The following ASPM variants were observed in gnomAD, a reference collection of about 807,000 sequenced individuals.
The protein encoded by ASPM is abnormal spindle-like microcephaly-associated protein.
Under a neutral mutation model 366.4 loss-of-function variants are expected in ASPM, and 256 were observed. That is an observed-to-expected ratio of 0.70 (90% CI 0.63 to 0.77). The LOEUF (loss-of-function observed/expected upper bound fraction) is 0.77, where lower values mean the gene tolerates loss of function less well. Among genes scored for constraint, ASPM ranks in the 30% least tolerant of loss-of-function variants. The pLI, the probability that ASPM is intolerant of heterozygous loss-of-function variation, is 0.00. For synonymous variants in ASPM, 1,414 were observed against 1,342.9 expected (o/e 1.05, Z -1.16); for missense variants, 4,146 against 4,090.4 (o/e 1.01, Z -0.37).
At chr1:197,118,135 A>ATCAGT in intron 16 of ASPM, 152 bp from the exon 17 acceptor site, 1 of 755,018 alleles carries the variant, frequency 1.3e-6, no homozygotes, top group Non-Finnish European at 2.2e-6. Flanking sequence ...GAATACTGAT[A>ATCAGT]ATTCCAGGCA....
intron 4 of ASPM, chr1:197,138,836 T>G: frequency 1.2e-6 from 1 of 808,594 alleles, no homozygotes; most frequent in Non-Finnish European, 2.2e-6. Context: ...ATAAAAAATC[T>G]ATTATTTCTC....
At chr1:197,098,480 T>A (rs1571595208) in intron 18 of ASPM, among the ~76,000 whole-genome samples, 1 of 151,624 alleles carries the variant, frequency 6.6e-6, no homozygotes, top group Non-Finnish European at 1.5e-5. Flanking sequence ...GAGAAAAAAA[T>A]TTTTATAAGA....
intron 25 of ASPM, 29 bp downstream of exon 25, chr1:197,089,901 A>G: frequency 1.9e-6 from 3 of 1,604,708 alleles, no homozygotes; most frequent in South Asian, 2.2e-5. Context: ...TTGACCAGTG[A>G]ATATCTCATT....
rs1382550255 is a variant in ASPM at position 197,142,655 on chromosome 1, T to G, written c.1597A>C (p.Asn533His). 3 of 1,612,358 alleles carry G rather than the reference T, an allele frequency of 1.9e-6. No homozygotes were observed. The African/African-American group carries it at 4.0e-5, about 22-fold the overall frequency. ...AAATCTTCTTTTTCCTTTTGATTAT[T>G]TATTACTTTTTCATGTTCACCCACT... ...SAVGEHEKVI[N>H]NQKEKEDFHS... The change falls in exon 3 of 28, where the codon AAT becomes CAT. Residue 533 changes from asparagine to histidine, a missense_variant. Around this residue, in one of 3 missense-constraint regions of ASPM, gnomAD observed 3,624 missense variants for 3,591.7 expected, o/e 1.01. Transcript: ENST00000367409.
At position 197,100,685 on chromosome 1, in the gene ASPM, A is replaced by T; in HGVS notation, c.8566T>A (p.Phe2856Ile). The change falls in exon 18 of 28, where the codon TTT (phenylalanine) becomes ATT (isoleucine). Residue 2856 changes from phenylalanine (F) to isoleucine (I), a missense_variant. Coordinates refer to ENST00000367409, the MANE Select transcript of ASPM (RefSeq NM_018136.5). ...ATAGCAGCTCTTTTCTGCTGAACAA[A>T]TCTTCTCCGATACACAGCCATCTGA... ...FLQMAVYRRR[F>I]VQQKRAAITL... The T allele has an allele frequency of 6.2e-7, 1 of 1,612,372 alleles. No individual in the cohort carries two copies. The highest frequency in any genetic ancestry group is 1.3e-5 in the African/African-American group (1 of 74,906).
chr1:197,101,305 G>T lies in ASPM; in HGVS notation c.7946C>A (p.Ala2649Glu). The T allele has an allele frequency of 6.2e-7, 1 of 1,611,786 alleles. No homozygotes were observed. Among genetic ancestry groups the T allele is most frequent in the Non-Finnish European group, 8.5e-7 (1 of 1,178,928 alleles). The change falls in exon 18 of 28, where the codon GCA (alanine) becomes GAA (glutamate). Residue 2649 changes from alanine (A) to glutamate (E), a missense_variant. Transcript: ENST00000367409. Reference sequence around the variant, plus strand: ...TCTTCTTTGAATAGAAACTACTGTTGCTCTAAGGTGGAGATAATGCTTCCT... The same window carrying T: ...TCTTCTTTGAATAGAAACTACTGTTTCTCTAAGGTGGAGATAATGCTTCCT... ...KIRKHYLHLR[A>E]TVVSIQRRYR...
In ASPM at chr1:197,104,077, T is replaced by C. The variant is rs1320024396; in HGVS notation, c.5174A>G (p.Tyr1725Cys). ...GATACAAGATTCCCGCATCTGCATATACTCTTCTCTCTTTTGTGCAGCTAT... is the reference window on the plus strand; with the variant it reads ...GATACAAGATTCCCGCATCTGCATACACTCTTCTCTCTTTTGTGCAGCTAT... ...KKIAAQKREE[Y>C]MQMRESCIKL... Residue 1725 changes from tyrosine (Y) to cysteine (C), a missense_variant, in exon 18 of 28, where the codon TAT becomes TGT. Physicochemically the swap from Tyr to Cys is radical, Grantham distance 194. Around this residue, in one of 3 missense-constraint regions of ASPM, gnomAD observed 3,624 missense variants for 3,591.7 expected, o/e 1.01. Transcript: ENST00000367409. 1.2e-6 allele frequency: 2 copies of C among 1,613,004 alleles called. No homozygotes were observed. Among genetic ancestry groups the C allele is most frequent in the Admixed American group, 1.7e-5 (1 of 59,862 alleles).
At position 197,094,008 on chromosome 1, in the gene ASPM, T is replaced by C. The variant is rs530689938; in HGVS notation, c.9084+76A>G. 3 of 1,038,944 alleles carry C rather than the reference T, an allele frequency of 2.9e-6. No homozygotes were observed. In the Admixed American group the frequency reaches 8.5e-5, roughly 29 times the overall value. The allele number at this position is 1,038,944 out of a possible 1,614,324, so 64.4% of individuals were successfully genotyped here. A position where few individuals can be genotyped will look rare whatever the true frequency, so the allele number is the denominator to read the frequency against. On this transcript the variant is annotated intron_variant, in intron 20 of 27. Transcript: ENST00000367409. Reference sequence around the variant, plus strand: ...CAGCGAAGGATTTATTTTTAAAAATTAAAAAATACAAAACATTCTTTGTTT... The same window carrying C: ...CAGCGAAGGATTTATTTTTAAAAATCAAAAAATACAAAACATTCTTTGTTT...
intron 17 of ASPM, among the ~76,000 whole-genome samples, chr1:197,112,391 GAAA>G (rs1657616236): frequency 6.6e-6 from 1 of 152,060 alleles, no homozygotes; most frequent in East Asian, 1.9e-4. Context: ...AAAGGATCAG[GAAA>G]AATAACTAAT....
At position 197,103,051 on chromosome 1, in the gene ASPM, CTATAGGTTGCATATTTCT is replaced by C. The variant is rs765625106; in HGVS notation, c.6182_6199del (p.Lys2061_Tyr2066del). ...TCTCTGAATTATAATAGCTGAAGCT[CTATAGGTTGCATATTTCT>C]TTTTGGTTTTGTAAGCTCTGTATTT... is the stretch of plus-strand genomic sequence containing the variant. On this transcript the variant is annotated inframe_deletion, in exon 18 of 28. Coordinates refer to ENST00000367409, the MANE Select transcript of ASPM (RefSeq NM_018136.5). The C allele has an allele frequency of 4.3e-6, 7 of 1,612,144 alleles. No homozygotes were observed. The highest frequency in any genetic ancestry group is 1.3e-5 in the African/African-American group (1 of 74,810).
rs1657156469 is a variant in ASPM, at chr1:197,101,105, CA to C, written c.8145del (p.Ile2715MetfsTer14). On this transcript the variant is annotated frameshift_variant, in exon 18 of 28. Transcript: ENST00000367409. LOFTEE classifies it high-confidence loss of function. The stretch of plus-strand genomic sequence containing the variant: ...AACCTATAATAATTCTGTATAACCA[CA>C]ATTGCAGTTTTCTTTGTTTCATAAT... ...KVDYETKKTA[I>X]VVIQNYYRLY... The C allele has an allele frequency of 6.2e-7, 1 of 1,611,854 alleles. No homozygotes were observed. The highest frequency in any genetic ancestry group is 1.3e-5 in the African/African-American group (1 of 74,778).
chr1:197,129,876 A>C (rs1658208889), intron 8 of ASPM, 39 bp downstream of exon 8: 2 of 1,593,176 alleles, frequency 1.3e-6, no homozygotes, highest in South Asian at 1.1e-5. Flanking sequence ...CCATTCATGT[A>C]TAATGTGGAG....
chr1:197,115,414 C>G (rs1571610221), intron 17 of ASPM, among the ~76,000 whole-genome samples: 1 of 152,138 alleles, frequency 6.6e-6, no homozygotes, highest in East Asian at 1.9e-4. Context: ...TTCCAAACTC[C>G]TGTTAATGTT....
chr1:197,110,880 G>A (rs1300610658), intron 17 of ASPM, among the ~76,000 whole-genome samples: 1 of 151,730 alleles, frequency 6.6e-6, no homozygotes, highest in Non-Finnish European at 1.5e-5. Flanking sequence ...TCAATAAACG[G>A]TCAGTGCAGA....
At chr1:197,085,821 G>A (rs2125085833) in intron 27 of ASPM, among the ~76,000 whole-genome samples, 1 of 152,124 alleles carries the variant, frequency 6.6e-6, no homozygotes, top group South Asian at 2.1e-4. Context: ...TCTCAGTGGT[G>A]GTAGTTTCCT....
chr1:197,115,753 C>T (rs148972095), intron 17 of ASPM, among the ~76,000 whole-genome samples: 160 of 152,244 alleles, frequency 1.1e-3, no homozygotes, highest in African/African-American at 2.9e-3. Context: ...GTCTCAACAA[C>T]GGACTTAGAA....
chr1:197,143,890 T>C lies in ASPM; in HGVS notation c.441+67A>G, dbSNP rs144126943. ...AAGCAATATTACTTCAAGCCTGTTA[T>C]CAAAATAAGTTTTATTTATTATTAA... is the stretch of plus-strand genomic sequence containing the variant. On this transcript the variant is annotated intron_variant, in intron 2 of 27. Transcript: ENST00000367409. The C allele has an allele frequency of 7.6e-5, 118 of 1,546,000 alleles. 1 individual carries two copies. The African/African-American group carries it at 1.2e-3, about 16-fold the overall frequency.
In ASPM at chr1:197,104,448, T is replaced by G; in HGVS notation, c.4803A>C (p.Lys1601Asn). Residue 1601 changes from lysine to asparagine, a missense_variant, in exon 18 of 28, where the codon AAA becomes AAC. Coordinates refer to ENST00000367409, the MANE Select transcript of ASPM (RefSeq NM_018136.5). ...CAGCTGCTTTCTTCATCTTCTTATATTTCTGTCGTTGTTGATGTTTTCTTA... is the reference window on the plus strand; with the variant it reads ...CAGCTGCTTTCTTCATCTTCTTATAGTTCTGTCGTTGTTGATGTTTTCTTA... Reference protein sequence around the residue: ...AHVRKHQQRQKYKKMKKAAVI... With the variant: ...AHVRKHQQRQNYKKMKKAAVI... 1.2e-6 allele frequency: 2 copies of G among 1,612,966 alleles called. No homozygotes were observed. The highest frequency in any genetic ancestry group is 1.7e-6 in the Non-Finnish European group (2 of 1,179,404).
chr1:197,132,011 T>C (rs1658269754), intron 7 of ASPM, among the ~76,000 whole-genome samples: 1 of 152,210 alleles, frequency 6.6e-6, no homozygotes, highest in South Asian at 2.1e-4. Flanking sequence ...GAGTTTACTA[T>C]AGTTGTCATT....
Sources: allele counts gnomAD v4.1 joint callset (sites outside exome capture counted in the v4.1 genomes callset), GRCh38; gene constraint gnomAD v4.1.1; regional missense constraint gnomAD v4.1.1; transcripts MANE v1.5; gene names NCBI Gene and HGNC (gene_info 2026-07-23, HGNC 2026-07-21).